The following ZNF91 variants were observed in gnomAD, a reference collection of about 807,000 sequenced individuals.
ZNF91 encodes the protein zinc finger protein 91 (HPF7, HTF10).
ZNF91 carries 7 observed loss-of-function variants against 12.6 expected under a neutral mutation model. The ratio of observed to expected loss-of-function variants is 0.55; its 90% confidence interval spans 0.31 to 1.04. The LOEUF (loss-of-function observed/expected upper bound fraction) is 1.04. Ranked by LOEUF, ZNF91 falls within the 50% of genes least tolerant of loss-of-function variation. ZNF91 has a pLI of 0.05. For missense variants in ZNF91, 1,217 were observed against 1,385.4 expected, an observed-to-expected ratio of 0.88 and a Z score of 1.93; for synonymous variants, 453 against 462.6, an observed-to-expected ratio of 0.98 and a Z score of 0.27.
intron 1 of ZNF91, among the ~76,000 whole-genome samples, chr19:23,333,028 G>A (rs1249788513): frequency 6.6e-6 from 1 of 152,164 alleles, no homozygotes; most frequent in Non-Finnish European, 1.5e-5. Context: ...AGTGAAAAAG[G>A]GTGGGCATGG....
At chr19:23,319,158 ACT>A (rs1271011767) in intron 1 of ZNF91, among the ~76,000 whole-genome samples, 1 of 152,086 alleles carries the variant, frequency 6.6e-6, no homozygotes, top group Non-Finnish European at 1.5e-5. Flanking sequence ...AGGTGAGGTA[ACT>A]CTCTTCTACT....
chr19:23,365,659 A>C (rs1265903657), intron 3 of ZNF91, among the ~76,000 whole-genome samples: 1 of 152,018 alleles, frequency 6.6e-6, no homozygotes, highest in Non-Finnish European at 1.5e-5. Flanking sequence ...AGGGAAGGTC[A>C]GCAGATAAAC....
At chr19:23,311,351 C>T (rs1281319282), upstream of ZNF91, among the ~76,000 whole-genome samples, 1 of 151,858 alleles carries the variant, frequency 6.6e-6, no homozygotes, top group Admixed American at 6.6e-5. Flanking sequence ...TGTTATCACA[C>T]CTAGGTGATG....
downstream of ZNF91, among the ~76,000 whole-genome samples, chr19:23,335,677 T>C (rs377560978): frequency 6.6e-6 from 1 of 152,092 alleles, no homozygotes; most frequent in Admixed American, 6.5e-5. Context: ...GTTGGAAAAG[T>C]GTAGCATTAG....
chr19:23,351,454 A>G (rs935062159), intron 3 of ZNF91, among the ~76,000 whole-genome samples: 2 of 152,192 alleles, frequency 1.3e-5, no homozygotes, highest in African/African-American at 4.8e-5. Context: ...GCTCTGATAA[A>G]TCGGGGAGAA....
At chr19:23,369,284 T>C (rs945926713) in intron 3 of ZNF91, among the ~76,000 whole-genome samples, 2 of 148,818 alleles carry the variant, frequency 1.3e-5, no homozygotes, top group African/African-American at 2.5e-5. Context: ...CACTCCACCC[T>C]GGGCGACAGA....
chr19:23,392,392 A>AT (rs1226988426), intron 1 of ZNF91, among the ~76,000 whole-genome samples: 1 of 137,696 alleles, frequency 7.3e-6, no homozygotes, highest in East Asian at 2.0e-4. Flanking sequence ...GTGAAACTCC[A>AT]TCTCAAAAAA....
Position 23,340,217 on chromosome 19 carries a change from A to C in ZNF91, c.254-1163T>G, listed in dbSNP as rs562893456. On this transcript the variant is annotated intron_variant, in intron 3 of 3. Coordinates refer to the ZNF91 transcript ENST00000599743. ...AACACAACCAAATGACATGAAGTCC[A>C]AAAACAATAAAAATGACCAACAGAA... 12 of 152,274 alleles carry C rather than the reference A, an allele frequency of 7.9e-5. 1 individual carries two copies. The East Asian group carries it at 1.5e-3, about 20-fold the overall frequency. The allele number at this position is 152,274 out of a possible 1,614,324, so 9.4% of individuals were successfully genotyped here. A position where few individuals can be genotyped will look rare whatever the true frequency, so the allele number is the denominator to read the frequency against.
chr19:23,306,904 C>A (rs1967406691), intron 3 of ZNF91: 1 of 152,136 alleles, frequency 6.6e-6, no homozygotes, highest in South Asian at 2.1e-4. Flanking sequence ...GACTCTCCTG[C>A]CTCAGCCTCC....
intron 3 of ZNF91, among the ~76,000 whole-genome samples, chr19:23,372,283 T>C (rs1439463847): frequency 6.6e-6 from 1 of 151,912 alleles, no homozygotes; most frequent in East Asian, 1.9e-4. Context: ...TGGCAGCCAT[T>C]CCTGACAAAA....
intron 3 of ZNF91, among the ~76,000 whole-genome samples, chr19:23,340,420 G>A (rs952553664): frequency 6.6e-6 from 1 of 152,018 alleles, no homozygotes; most frequent in Non-Finnish European, 1.5e-5. Context: ...TCACAAACCT[G>A]AAAACCTAGA....
Position 23,362,471 on chromosome 19 carries a change from T to C in ZNF91, c.508A>G (p.Asn170Asp). Residue 170 changes from asparagine (N) to aspartate (D), a missense_variant, in exon 4 of 4, where the codon AAC becomes GAC. Coordinates refer to ENST00000300619, the MANE Select transcript of ZNF91 (RefSeq NM_003430.4). ...CCAGTATGTCTTATCGTATGTCTGT[T>C]TGAATTTAAAAATTTATAGAAGACT... ...LKVFYKFLNS[N>D]RHTIRHTGKK... The C allele has an allele frequency of 1.2e-6, 2 of 1,605,530 alleles. No individual in the cohort carries two copies. The highest frequency in any genetic ancestry group is 1.7e-6 in the Non-Finnish European group (2 of 1,177,448).
At chr19:23,370,567 T>C (rs540813689) in intron 3 of ZNF91, among the ~76,000 whole-genome samples, 97 of 152,286 alleles carry the variant, frequency 6.4e-4, no homozygotes, top group African/African-American at 2.3e-3. Context: ...GAGTGGCACA[T>C]TATGGCTCAC....
At position 23,359,677 on chromosome 19, in the gene ZNF91, G is replaced by A. The variant is rs1337697083; in HGVS notation, c.3302C>T (p.Thr1101Ile). ...STLTRHKRLH[T>I]GEKPYKCGEC... ...TCCACATTTGTAGGGTTTCTCTCCG[G>A]TGTGCAACCTCTTATGTCTAGTTAG... The change falls in exon 4 of 4, where the codon ACC (threonine) becomes ATC (isoleucine). Residue 1101 changes from threonine to isoleucine, a missense_variant. Physicochemically the swap from Thr to Ile is moderately conservative, Grantham distance 89. Transcript: ENST00000300619. 1 of 1,614,050 alleles carries A rather than the reference G, an allele frequency of 6.2e-7. No homozygotes were observed. Among genetic ancestry groups the A allele is most frequent in the East Asian group, 2.2e-5 (1 of 44,864 alleles).
intron 1 of ZNF91, among the ~76,000 whole-genome samples, chr19:23,317,087 C>A (rs1967578715): frequency 6.6e-6 from 1 of 151,900 alleles, no homozygotes. Flanking sequence ...GCTCTGTCGC[C>A]CAGGCTGGAG....
intron 1 of ZNF91, among the ~76,000 whole-genome samples, chr19:23,330,441 A>C (rs1186604347): frequency 6.6e-6 from 1 of 152,158 alleles, no homozygotes; most frequent in Non-Finnish European, 1.5e-5. Context: ...CACATGACTC[A>C]CCAGAATCGG....
At chr19:23,376,067 C>T (rs916613948) in intron 1 of ZNF91, among the ~76,000 whole-genome samples, 5 of 152,088 alleles carry the variant, frequency 3.3e-5, no homozygotes, top group African/African-American at 1.2e-4. Flanking sequence ...ATAATTTTTT[C>T]CAAACTTTCT....
At chr19:23,384,695 T>C (rs1457420504) in intron 1 of ZNF91, 2 of 589,180 alleles carry the variant, frequency 3.4e-6, no homozygotes, top group East Asian at 3.3e-5. Context: ...TTTGGAGATA[T>C]TTCCTTTCTT....
rs541259631 is a variant in ZNF91 at position 23,388,787 on chromosome 19, T to C, written c.30+6538A>G. ...TACTTGGGAGGCTGGGGATGGAGAA[T>C]TGCTTGAACCCAGGAGGTGGAGGTT... On this transcript the variant is annotated intron_variant, in intron 1 of 3. Coordinates refer to ENST00000300619, the MANE Select transcript of ZNF91 (RefSeq NM_003430.4). Among the ~76,000 whole-genome samples, 77 of 152,062 alleles carry C rather than the reference T, an allele frequency of 5.1e-4. No homozygotes were observed. In the South Asian group the frequency reaches 0.012, roughly 23 times the overall value.
Sources: gnomAD v4.1 joint callset for allele counts (sites outside exome capture counted in the v4.1 genomes callset) on GRCh38, gnomAD v4.1.1 for gene constraint, MANE v1.5 for transcripts, NCBI Gene and HGNC (gene_info 2026-07-23, HGNC 2026-07-21) for gene names.